NDUFS6: variants seen among roughly 807,000 people sequenced by gnomAD.
The protein encoded by NDUFS6 is NADH dehydrogenase [ubiquinone] iron-sulfur protein 6, mitochondrial.
In NDUFS6, 14 loss-of-function variants were observed where a neutral mutation model predicts 13.2. The ratio of observed to expected loss-of-function variants is 1.06; its 90% CI spans 0.70 to 1.66. NDUFS6 has a LOEUF of 1.66. Among genes scored for constraint, NDUFS6 ranks in the 40% most tolerant of loss-of-function variants. The pLI is 0.00. For missense variants in NDUFS6, 206 were observed against 170.8 expected (o/e 1.21, Z -1.15); for synonymous variants, 95 against 72.3 (o/e 1.31, Z -1.60).
rs1000392603 is a variant in NDUFS6 at position 1,814,326 on chromosome 5, C to T, written c.187-13C>T. 9.3e-6 allele frequency: 15 copies of T among 1,614,206 alleles called. No individual in the cohort carries two copies. The highest frequency in any genetic ancestry group is 1.1e-5 in the Non-Finnish European group (13 of 1,180,044). ...TGTGTATTTGTTTACGTAAGTCTTT[C>T]TTCTTGTTCCAGGTGAATGAAAACT... On this transcript the variant is annotated splice_polypyrimidine_tract_variant and intron_variant, in intron 2 of 3. Coordinates refer to ENST00000274137, the MANE Select transcript of NDUFS6 (RefSeq NM_004553.6). The surrounding 1 kb of genome is among the most constrained non-coding windows in gnomAD (Gnocchi z 4.9).
chr5:1,802,464 T>A (rs1252342236), intron 2 of NDUFS6, 90 bp downstream of exon 2: 13 of 1,120,808 alleles, frequency 1.2e-5, no homozygotes, highest in Non-Finnish European at 1.7e-5. Context: ...AAGATTTAAA[T>A]AAATTTTCCC....
intron 2 of NDUFS6, among the ~76,000 whole-genome samples, chr5:1,813,036 A>G (rs985050746): frequency 3.6e-4 from 55 of 151,872 alleles, no homozygotes; most frequent in African/African-American, 1.3e-3. Flanking sequence ...TGGGCGACAG[A>G]GTGAGACTCT....
intron 2 of NDUFS6, among the ~76,000 whole-genome samples, chr5:1,809,461 T>C (rs1734184174): frequency 6.6e-6 from 1 of 152,176 alleles, no homozygotes; most frequent in Non-Finnish European, 1.5e-5. Context: ...GTGTCGTGGC[T>C]GGGTGTGTTC....
At chr5:1,802,003 G>C in intron 1 of NDUFS6, 1 of 421,914 alleles carries the variant, frequency 2.4e-6, no homozygotes, top group Non-Finnish European at 4.3e-6. Flanking sequence ...TTAATGGGGG[G>C]ATAGTAAAGC....
chr5:1,811,889 G>C (rs1734224412), intron 2 of NDUFS6, among the ~76,000 whole-genome samples: 2 of 152,156 alleles, frequency 1.3e-5, no homozygotes, highest in African/African-American at 2.4e-5. Context: ...ATAAGGGGTT[G>C]TAAAATGATA....
chr5:1,806,993 C>T (rs1374775581), intron 2 of NDUFS6, among the ~76,000 whole-genome samples: 2 of 152,170 alleles, frequency 1.3e-5, no homozygotes, highest in Non-Finnish European at 2.9e-5. Context: ...TGACACGCCC[C>T]ACAACACGGA....
rs1734277452 is a variant in NDUFS6, at chr5:1,814,582, G to A, written c.309+121G>A. On this transcript the variant is annotated intron_variant, in intron 3 of 3. Transcript: ENST00000274137. This position sits in a 1 kb window ranked among gnomAD's most constrained non-coding sequence, Gnocchi z 4.9. ...ACCTGCTCCCGAGGCGGCCCTTACGGGGTTCACACTGCTGGCACATTCACC... is the reference window on the plus strand; with the variant it reads ...ACCTGCTCCCGAGGCGGCCCTTACGAGGTTCACACTGCTGGCACATTCACC... 1.4e-6 allele frequency: 2 copies of A among 1,451,050 alleles called. No homozygotes were observed. Among genetic ancestry groups the A allele is most frequent in the South Asian group, 1.2e-5 (1 of 83,852 alleles). 89.9% of individuals were successfully genotyped at this position (1,451,050 alleles called of 1,614,324 possible).
intron 2 of NDUFS6, among the ~76,000 whole-genome samples, chr5:1,812,580 C>T (rs1734234678): frequency 8.0e-6 from 1 of 124,588 alleles, no homozygotes; most frequent in Non-Finnish European, 1.8e-5. Flanking sequence ...TGACTTGTGC[C>T]ACAGTAGAGT....
chr5:1,809,949 A>C (rs1737274829), intron 2 of NDUFS6, among the ~76,000 whole-genome samples: 1 of 152,178 alleles, frequency 6.6e-6, no homozygotes, highest in African/African-American at 2.4e-5. Flanking sequence ...CTAACTTCCT[A>C]CTGTGTTTCT....
intron 2 of NDUFS6, among the ~76,000 whole-genome samples, chr5:1,805,914 G>T (rs1159909916): frequency 1.3e-5 from 2 of 152,080 alleles, no homozygotes; most frequent in Admixed American, 1.3e-4. Flanking sequence ...GGCTTATGAG[G>T]GCTGTGTGCT....
intron 2 of NDUFS6, among the ~76,000 whole-genome samples, chr5:1,807,635 T>C (rs1734147857): frequency 6.6e-6 from 1 of 152,194 alleles, no homozygotes; most frequent in South Asian, 2.1e-4. Flanking sequence ...CTCCAGAGGC[T>C]CTGCACACCC....
chr5:1,815,783 C>T (rs1734298690), intron 3 of NDUFS6, 68 bp from the exon 4 acceptor site: 2 of 1,488,760 alleles, frequency 1.3e-6, no homozygotes, highest in African/African-American at 2.8e-5. Context: ...CATACATTTT[C>T]AATGCTTAAT....
chr5:1,809,140 A>G (rs1252911570), intron 2 of NDUFS6, among the ~76,000 whole-genome samples: 4 of 152,228 alleles, frequency 2.6e-5, no homozygotes, highest in African/African-American at 2.4e-5. Context: ...TTGATCATCA[A>G]GAGGTCAATG....
In NDUFS6 at chr5:1,814,642, G is replaced by T. The variant is rs775395630; in HGVS notation, c.309+181G>T. 2 of 957,598 alleles carry T rather than the reference G, an allele frequency of 2.1e-6. No homozygotes were observed. Among genetic ancestry groups the T allele is most frequent in the Middle Eastern group, 2.0e-4 (1 of 4,904 alleles). The allele number at this position is 957,598 out of a possible 1,614,324, so 59.3% of individuals were successfully genotyped here. Reference sequence around the variant, plus strand: ...CACACTACAGGGCCTACATAGAGCCGCCTGTCCGAAAACCCCCTTTCAACT... The same window carrying T: ...CACACTACAGGGCCTACATAGAGCCTCCTGTCCGAAAACCCCCTTTCAACT... On this transcript the variant is annotated intron_variant, in intron 3 of 3. Coordinates refer to ENST00000274137, the MANE Select transcript of NDUFS6 (RefSeq NM_004553.6). The surrounding 1 kb of genome is among the most constrained non-coding windows in gnomAD (Gnocchi z 4.9).
chr5:1,813,703 A>G (rs1734256155), intron 2 of NDUFS6, among the ~76,000 whole-genome samples: 1 of 152,228 alleles, frequency 6.6e-6, no homozygotes. Flanking sequence ...TGAGTCATAA[A>G]TGACCAGGTG....
Position 1,806,535 on chromosome 5 carries a change from T to C in NDUFS6, c.186+4161T>C, listed in dbSNP as rs113632068. On this transcript the variant is annotated intron_variant, in intron 2 of 3. Coordinates refer to ENST00000274137, the MANE Select transcript of NDUFS6 (RefSeq NM_004553.6). Reference sequence around the variant, plus strand: ...ACGCGGTGCAAATGTCTACCTGGCGTGCTGTTTTGTTGCGATAATGTGAAG... The same window carrying C: ...ACGCGGTGCAAATGTCTACCTGGCGCGCTGTTTTGTTGCGATAATGTGAAG... Among the ~76,000 whole-genome samples, 542 of 152,346 alleles carry C rather than the reference T, an allele frequency of 3.6e-3. 2 individuals are homozygous for C. The highest frequency in any genetic ancestry group is 0.012 in the African/African-American group (515 of 41,570).
At chr5:1,805,737 C>G (rs915164267) in intron 2 of NDUFS6, among the ~76,000 whole-genome samples, 2 of 152,154 alleles carry the variant, frequency 1.3e-5, no homozygotes, top group African/African-American at 4.8e-5. Flanking sequence ...ATGACTTGTC[C>G]CCTAATAGAA....
intron 2 of NDUFS6, among the ~76,000 whole-genome samples, chr5:1,811,878 C>G (rs1311863760): frequency 1.3e-5 from 2 of 152,166 alleles, no homozygotes; most frequent in African/African-American, 4.8e-5. Flanking sequence ...TCTGTGATTT[C>G]ATAAGGGGTT....
chr5:1,806,212 C>T (rs1161347110), intron 2 of NDUFS6, among the ~76,000 whole-genome samples: 1 of 152,256 alleles, frequency 6.6e-6, no homozygotes, highest in African/African-American at 2.4e-5. Context: ...CTCTGTGCCA[C>T]CCCTCTCCAC....
Sources: gnomAD v4.1 joint callset for allele counts (sites outside exome capture counted in the v4.1 genomes callset) on GRCh38, gnomAD v4.1.1 for gene constraint, Gnocchi (gnomAD v3.1) non-coding constraint, MANE v1.5 for transcripts, NCBI Gene and HGNC (gene_info 2026-07-23, HGNC 2026-07-21) for gene names.